The following NKAIN2 variants were observed in gnomAD, a reference collection of about 807,000 sequenced individuals.
The protein encoded by NKAIN2 is sodium/potassium-transporting ATPase subunit beta-1-interacting protein 2.
NKAIN2 carries 14 observed loss-of-function variants against 32.6 expected under a neutral mutation model. The observed-to-expected ratio is 0.43, with a 90% CI of 0.28 to 0.67. The LOEUF is 0.67. Among genes scored for constraint, NKAIN2 ranks in the 30% least tolerant of loss-of-function variants. The probability of loss-of-function intolerance (pLI) is 0.17; values close to 1 mark genes in which losing one functional copy is unlikely to be tolerated. For synonymous variants in NKAIN2, 80 were observed against 87.2 expected (o/e 0.92, Z 0.46); for missense variants, 198 against 258.3 (o/e 0.77, Z 1.60).
intron 3 of NKAIN2, among the ~76,000 whole-genome samples, chr6:124,393,253 A>ATATTCAT (rs1773220064): frequency 6.6e-6 from 1 of 152,128 alleles, no homozygotes; most frequent in Non-Finnish European, 1.5e-5. Flanking sequence ...TACTACAGAG[A>ATATTCAT]TATTCATTAG....
intron 3 of NKAIN2, among the ~76,000 whole-genome samples, chr6:124,596,438 G>A (rs10499128): frequency 0.044 from 6,701 of 152,214 alleles, 203 homozygotes; most frequent in East Asian, 0.09. Flanking sequence ...AGAAGGGACC[G>A]CCTGTGCTTA....
chr6:124,077,836 G>C (rs958243114), intron 1 of NKAIN2, among the ~76,000 whole-genome samples: 2 of 152,010 alleles, frequency 1.3e-5, no homozygotes, highest in Admixed American at 1.3e-4. Flanking sequence ...CTGGGTTCAA[G>C]TGATCCTACT....
chr6:124,046,716 G>C (rs1782151954), intron 1 of NKAIN2, among the ~76,000 whole-genome samples: 1 of 151,916 alleles, frequency 6.6e-6, no homozygotes, highest in East Asian at 1.9e-4. Context: ...GAGTTCTAGG[G>C]TCTTCTCCAT....
chr6:124,404,921 A>G (rs1221032449), intron 3 of NKAIN2, among the ~76,000 whole-genome samples: 2 of 152,152 alleles, frequency 1.3e-5, no homozygotes, highest in Non-Finnish European at 2.9e-5. Flanking sequence ...TTCCCATTGC[A>G]ATGTTAACAT....
chr6:124,689,019 G>A (rs1774132745), intron 4 of NKAIN2, among the ~76,000 whole-genome samples: 1 of 152,100 alleles, frequency 6.6e-6, no homozygotes. Flanking sequence ...AGTTCATTTG[G>A]TAAGAGTGTA....
At chr6:124,539,112 C>T (rs879823621) in intron 3 of NKAIN2, among the ~76,000 whole-genome samples, 11 of 152,102 alleles carry the variant, frequency 7.2e-5, no homozygotes, top group Non-Finnish European at 1.0e-4. Flanking sequence ...ATATTTGACA[C>T]TAAGTAGAGA....
At position 124,032,300 on chromosome 6, in the gene NKAIN2, G is replaced by T. The variant is rs111886137; in HGVS notation, c.54+228046G>T. On this transcript the variant is annotated intron_variant, in intron 1 of 6. Transcript: ENST00000368417. ...GGGGGAGGGATAGCATTAGGAGATA[G>T]ACCTAATGTAAATGACGAGTTAATG... Among the ~76,000 whole-genome samples, 28 of 149,722 alleles carry T rather than the reference G, an allele frequency of 1.9e-4. 1 individual carries two copies. Among genetic ancestry groups the T allele is most frequent in the East Asian group, 1.4e-3 (7 of 5,036 alleles).
intron 3 of NKAIN2, among the ~76,000 whole-genome samples, chr6:124,632,106 G>GACAT: frequency 6.6e-6 from 1 of 152,070 alleles, no homozygotes; most frequent in Admixed American, 6.5e-5. Context: ...TGGTGATAAT[G>GACAT]ACATACGTTT....
At chr6:124,280,707 T>C (rs1370784311) in intron 1 of NKAIN2, among the ~76,000 whole-genome samples, 2 of 152,192 alleles carry the variant, frequency 1.3e-5, no homozygotes, top group Non-Finnish European at 2.9e-5. Flanking sequence ...TCATAGTTAA[T>C]AGTCTTCCTG....
chr6:124,194,359 T>C (rs915089995), intron 1 of NKAIN2, among the ~76,000 whole-genome samples: 2 of 152,160 alleles, frequency 1.3e-5, no homozygotes, highest in Non-Finnish European at 2.9e-5. Context: ...GTTTTCTTTT[T>C]ATCTTCCTTT....
chr6:124,567,334 T>A (rs1460043521), intron 3 of NKAIN2, among the ~76,000 whole-genome samples: 1 of 152,208 alleles, frequency 6.6e-6, no homozygotes, highest in African/African-American at 2.4e-5. Context: ...AATTCTACTA[T>A]GTATTTCTAA....
chr6:124,480,022 A>T (rs1490002659), intron 3 of NKAIN2, among the ~76,000 whole-genome samples: 1 of 152,212 alleles, frequency 6.6e-6, no homozygotes, highest in African/African-American at 2.4e-5. Flanking sequence ...TTCTGCATCA[A>T]ACAGATTGCA....
chr6:124,266,842 A>C (rs1330495465), intron 1 of NKAIN2, among the ~76,000 whole-genome samples: 2 of 152,222 alleles, frequency 1.3e-5, no homozygotes, highest in African/African-American at 4.8e-5. Context: ...ACATGTAGAT[A>C]TATAGATGCA....
At chr6:124,208,951 A>G (rs904778645) in intron 1 of NKAIN2, among the ~76,000 whole-genome samples, 3 of 151,780 alleles carry the variant, frequency 2.0e-5, no homozygotes, top group Admixed American at 6.6e-5. Flanking sequence ...AATATTTATC[A>G]TTTATTTGTA....
At chr6:124,030,635 G>A (rs1781364589) in intron 1 of NKAIN2, among the ~76,000 whole-genome samples, 2 of 152,114 alleles carry the variant, frequency 1.3e-5, no homozygotes, top group Non-Finnish European at 2.9e-5. Context: ...ACTTAAGATG[G>A]GATGCCAGTT....
chr6:124,065,844 T>C (rs1032233884), intron 1 of NKAIN2, among the ~76,000 whole-genome samples: 1 of 152,172 alleles, frequency 6.6e-6, no homozygotes, highest in Non-Finnish European at 1.5e-5. Flanking sequence ...ATATTTTAAA[T>C]ACCAAACATG....
chr6:124,139,264 A>G (rs1301112592), intron 1 of NKAIN2, among the ~76,000 whole-genome samples: 2 of 147,004 alleles, frequency 1.4e-5, no homozygotes, highest in Non-Finnish European at 1.5e-5. Context: ...AATTTTTTGT[A>G]TTTTTAGTAG....
At chr6:124,429,709 G>A (rs77919662) in intron 3 of NKAIN2, among the ~76,000 whole-genome samples, 1,840 of 152,266 alleles carry the variant, frequency 0.012, 45 homozygotes, top group African/African-American at 0.042. Flanking sequence ...AACAGGTGCA[G>A]TACTTCAGGG....
At chr6:124,348,797 T>C (rs112401446) in intron 2 of NKAIN2, among the ~76,000 whole-genome samples, 6,604 of 152,274 alleles carry the variant, frequency 0.043, 273 homozygotes, top group African/African-American at 0.1. Context: ...GGCGAGGCAT[T>C]GCCTCACTGG....
Sources: gnomAD v4.1 joint callset for allele counts (sites outside exome capture counted in the v4.1 genomes callset) on GRCh38, gnomAD v4.1.1 for gene constraint, MANE v1.5 for transcripts, NCBI Gene and HGNC (gene_info 2026-07-23, HGNC 2026-07-21) for gene names.